The following BACH2 variants were observed in gnomAD, a reference collection of about 807,000 sequenced individuals.
BACH2 encodes transcription regulator protein BACH2.
In BACH2, 5 loss-of-function variants were observed where a neutral mutation model predicts 61.8. The ratio of observed to expected loss-of-function variants is 0.08; its 90% CI spans 0.04 to 0.17. BACH2 has a LOEUF of 0.17. Among genes scored for constraint, BACH2 ranks in the 10% least tolerant of loss-of-function variants. BACH2 has a pLI of 1.00. For synonymous variants in BACH2, 446 were observed against 440.1 expected (o/e 1.01, Z -0.17); for missense variants, 824 against 1,091.1 (o/e 0.76, Z 3.45).
rs1310405257 is a variant in BACH2 at position 90,053,414 on chromosome 6, G to A, written c.-13+35547C>T. 2.6e-5 allele frequency among the ~76,000 whole-genome samples: 4 copies of A among 152,160 alleles called. No homozygotes were observed. In the South Asian group the frequency reaches 8.3e-4, roughly 32 times the overall value. On this transcript the variant is annotated intron_variant, in intron 5 of 8. Coordinates refer to ENST00000257749, the MANE Select transcript of BACH2 (RefSeq NM_021813.4). ...CCCGCCTCAGCCTCCTGAGTAGCTA[G>A]GACTACAGGTATACACCACCCATTT...
intron 2 of BACH2, among the ~76,000 whole-genome samples, chr6:90,267,115 C>A (rs765658129): frequency 2.0e-5 from 3 of 152,022 alleles, no homozygotes; most frequent in Middle Eastern, 3.2e-3. Context: ...ATCTCCCCCC[C>A]ACCAAAAAAC....
intron 7 of BACH2, among the ~76,000 whole-genome samples, chr6:89,938,793 C>T (rs1290852846): frequency 6.6e-6 from 1 of 152,098 alleles, no homozygotes; most frequent in Non-Finnish European, 1.5e-5. Flanking sequence ...ATGCTGGAGA[C>T]ACAAAAAACC....
At chr6:89,953,513 A>G (rs1313564789) in intron 6 of BACH2, among the ~76,000 whole-genome samples, 1 of 152,218 alleles carries the variant, frequency 6.6e-6, no homozygotes, top group African/African-American at 2.4e-5. Context: ...GACCCACATT[A>G]TAAATTCTAT....
At chr6:90,201,866 A>G (rs1346653733) in intron 4 of BACH2, among the ~76,000 whole-genome samples, 1 of 152,200 alleles carries the variant, frequency 6.6e-6, no homozygotes, top group Non-Finnish European at 1.5e-5. Flanking sequence ...CTTATTAAAT[A>G]TAGATTGGAC....
intron 4 of BACH2, among the ~76,000 whole-genome samples, chr6:90,124,693 A>G (rs1004965810): frequency 6.6e-6 from 1 of 152,210 alleles, no homozygotes; most frequent in Non-Finnish European, 1.5e-5. Flanking sequence ...GATCATTTCT[A>G]GTTTCCCATT....
chr6:90,071,079 G>A (rs1326618588), intron 5 of BACH2, among the ~76,000 whole-genome samples: 3 of 152,096 alleles, frequency 2.0e-5, no homozygotes. Flanking sequence ...TCCAACTCCT[G>A]GTCTCAAGCA....
In BACH2 at chr6:90,235,489, G is replaced by C. The variant is rs1421599562; in HGVS notation, c.-275+17024C>G. ...GTAGAACTGTTTTGATTACTGTTAA[G>C]GATGTTGTAAAAGTCAGTGATCTAT... On this transcript the variant is annotated intron_variant, in intron 3 of 8. Transcript: ENST00000257749. Among the ~76,000 whole-genome samples the C allele has an allele frequency of 3.9e-5, 6 of 152,252 alleles. No homozygotes were observed. The East Asian group carries it at 7.7e-4, about 20-fold the overall frequency.
chr6:90,156,202 G>A lies in BACH2; in HGVS notation c.-162+50367C>T, dbSNP rs565115115. On this transcript the variant is annotated intron_variant, in intron 4 of 8. Coordinates refer to ENST00000257749, the MANE Select transcript of BACH2 (RefSeq NM_021813.4). ...AGGTATCGAGTGGTGTAAAAAAAACGCTTCACAAGAGTTTTTCTTTATAGC... is the reference window on the plus strand; with the variant it reads ...AGGTATCGAGTGGTGTAAAAAAAACACTTCACAAGAGTTTTTCTTTATAGC... 4.6e-5 allele frequency among the ~76,000 whole-genome samples: 7 copies of A among 152,124 alleles called. No individual in the cohort carries two copies. In the East Asian group the frequency reaches 1.2e-3, roughly 25 times the overall value.
In BACH2 at chr6:89,927,653, C is replaced by A. The variant is rs1293931295; in HGVS notation, c.*4755G>T. 6.5e-6 allele frequency: 1 copy of A among 152,768 alleles called. No individual in the cohort carries two copies. The highest frequency in any genetic ancestry group is 1.5e-5 in the Non-Finnish European group (1 of 68,032). The allele number at this position is 152,768 out of a possible 1,614,324, so 9.5% of individuals were successfully genotyped here. On this transcript the variant is annotated 3_prime_UTR_variant, in exon 9 of 9. Transcript: ENST00000257749. ...AGCTATGAAAGTTGGCCTCTGCAAC[C>A]AAGTGGGTATTCTTCACAAAATGGC...
At chr6:90,296,393 G>A (rs1365710975) in intron 1 of BACH2, 87 bp downstream of exon 1, 2 of 145,616 alleles carry the variant, frequency 1.4e-5, no homozygotes, top group East Asian at 2.2e-4. Flanking sequence ...ACGCCTCCCC[G>A]CCCGCCCCGC....
chr6:90,187,454 T>A (rs1319393975), intron 4 of BACH2, among the ~76,000 whole-genome samples: 2 of 152,224 alleles, frequency 1.3e-5, no homozygotes, highest in African/African-American at 4.8e-5. Context: ...AGGACTAACA[T>A]CACCGTGCAG....
chr6:89,963,551 C>G (rs1774874708), intron 6 of BACH2, among the ~76,000 whole-genome samples: 2 of 152,208 alleles, frequency 1.3e-5, no homozygotes, highest in African/African-American at 4.8e-5. Context: ...CTCGTTCTCC[C>G]AAAGTGCAGG....
At chr6:90,031,034 G>A (rs1215717207) in intron 5 of BACH2, among the ~76,000 whole-genome samples, 1 of 143,050 alleles carries the variant, frequency 7.0e-6, no homozygotes, top group Non-Finnish European at 1.5e-5. Flanking sequence ...TCCCTGGGAT[G>A]CAAGGCTGGT....
At chr6:90,099,721 G>A (rs556430754) in intron 4 of BACH2, among the ~76,000 whole-genome samples, 1 of 152,224 alleles carries the variant, frequency 6.6e-6, no homozygotes, top group Admixed American at 6.5e-5. Flanking sequence ...TTTCTATTAG[G>A]TGGCCAGGAC....
Position 90,274,203 on chromosome 6 carries a change from T to A in BACH2, c.-445-2262A>T, listed in dbSNP as rs536300116. 7.9e-5 allele frequency among the ~76,000 whole-genome samples: 12 copies of A among 152,326 alleles called. No individual in the cohort carries two copies. In the South Asian group the frequency reaches 2.5e-3, roughly 32 times the overall value. The stretch of plus-strand genomic sequence containing the variant: ...AAAATGCATTTTGACACACTTAATC[T>A]TCCAAGAACATACGTTGATTCTATG... On this transcript the variant is annotated intron_variant, in intron 1 of 8. Coordinates refer to ENST00000257749, the MANE Select transcript of BACH2 (RefSeq NM_021813.4).
chr6:90,056,152 C>A (rs1470356752), intron 5 of BACH2, among the ~76,000 whole-genome samples: 5 of 152,164 alleles, frequency 3.3e-5, no homozygotes, highest in Non-Finnish European at 5.9e-5. Context: ...GGGCTAAATG[C>A]TCCAATTAAA....
At chr6:90,125,309 C>T (rs1783800064) in intron 4 of BACH2, among the ~76,000 whole-genome samples, 1 of 152,124 alleles carries the variant, frequency 6.6e-6, no homozygotes, top group Admixed American at 6.5e-5. Context: ...GGGATCAGCC[C>T]CTACATCCTT....
chr6:90,147,398 C>A (rs1282619790), intron 4 of BACH2, among the ~76,000 whole-genome samples: 1 of 152,188 alleles, frequency 6.6e-6, no homozygotes, highest in Non-Finnish European at 1.5e-5. Context: ...CTGCTGTTCG[C>A]AGCTTGTCAC....
chr6:90,005,990 G>A (rs928032170), intron 6 of BACH2, among the ~76,000 whole-genome samples: 1 of 152,128 alleles, frequency 6.6e-6, no homozygotes, highest in Non-Finnish European at 1.5e-5. Flanking sequence ...AGATTTTTGT[G>A]CGATGTCTAT....
Sources: gnomAD v4.1 joint callset for allele counts (sites outside exome capture counted in the v4.1 genomes callset) on GRCh38, gnomAD v4.1.1 for gene constraint, MANE v1.5 for transcripts, NCBI Gene and HGNC (gene_info 2026-07-23, HGNC 2026-07-21) for gene names.